The following NTM variants were observed in gnomAD, a reference collection of about 807,000 sequenced individuals.
The protein encoded by NTM is neurotrimin.
In NTM, 13 loss-of-function variants were observed where a neutral mutation model predicts 42.1. That is an observed-to-expected ratio of 0.31 (90% confidence interval 0.20 to 0.49). NTM has a LOEUF of 0.49. NTM is among the 20% of genes least tolerant of loss of function. NTM has a pLI of 0.99. For missense variants in NTM, 373 were observed against 452.8 expected, an observed-to-expected ratio of 0.82 and a Z score of 1.60; for synonymous variants, 187 against 179.2, an observed-to-expected ratio of 1.04 and a Z score of -0.35.
At chr11:131,628,118 G>T (rs1333513985) in intron 1 of NTM, among the ~76,000 whole-genome samples, 1 of 152,100 alleles carries the variant, frequency 6.6e-6, no homozygotes, top group Non-Finnish European at 1.5e-5. Context: ...TAGAAAGTTG[G>T]GAGGACCCAC....
In NTM at chr11:132,117,993, G is replaced by A. The variant is rs982403559; in HGVS notation, c.168-28289G>A. Reference sequence around the variant, plus strand: ...GCTGCCTTGGGACCAATGACTCCGCGCTAACTTGAATTAAATCAATCTTGT... The same window carrying A: ...GCTGCCTTGGGACCAATGACTCCGCACTAACTTGAATTAAATCAATCTTGT... On this transcript the variant is annotated intron_variant, in intron 2 of 8. Coordinates refer to ENST00000683400, the MANE Select transcript of NTM (RefSeq NM_001352005.2). Among the ~76,000 whole-genome samples the A allele has an allele frequency of 3.3e-5, 5 of 152,304 alleles. No homozygotes were observed. In the South Asian group the frequency reaches 6.2e-4, roughly 19 times the overall value.
At chr11:131,443,595 TC>T (rs1301392465) in intron 1 of NTM, among the ~76,000 whole-genome samples, 1 of 152,096 alleles carries the variant, frequency 6.6e-6, no homozygotes, top group African/African-American at 2.4e-5. Flanking sequence ...TCCCCAGTGG[TC>T]CCCATTGACT....
At chr11:131,409,193 G>A (rs112707477) in intron 1 of NTM, among the ~76,000 whole-genome samples, 6 of 152,210 alleles carry the variant, frequency 3.9e-5, no homozygotes, top group Non-Finnish European at 8.8e-5. Flanking sequence ...ACTGTGAAGC[G>A]AAATCTAGTT....
intron 2 of NTM, among the ~76,000 whole-genome samples, chr11:132,016,711 A>G (rs1479135544): frequency 6.6e-6 from 1 of 151,984 alleles, no homozygotes; most frequent in East Asian, 1.9e-4. Flanking sequence ...CTTTGATAGA[A>G]ACTGCCAACC....
At chr11:131,960,884 G>A (rs779261788) in intron 2 of NTM, among the ~76,000 whole-genome samples, 22 of 152,170 alleles carry the variant, frequency 1.4e-4, no homozygotes, top group Non-Finnish European at 2.8e-4. Context: ...AGATTCAGGT[G>A]CAGGAGGGTC....
chr11:131,374,106 A>G (rs1941617601), intron 1 of NTM, among the ~76,000 whole-genome samples: 1 of 152,128 alleles, frequency 6.6e-6, no homozygotes, highest in African/African-American at 2.4e-5. Flanking sequence ...GGATGATGGG[A>G]CCCTGGGCCT....
At chr11:132,075,962 T>C (rs1396940050) in intron 2 of NTM, among the ~76,000 whole-genome samples, 2 of 152,214 alleles carry the variant, frequency 1.3e-5, no homozygotes, top group Admixed American at 1.3e-4. Flanking sequence ...GTCGACAGCA[T>C]TGGTGGGTAT....
At chr11:132,244,501 C>T (rs991485268) in intron 4 of NTM, among the ~76,000 whole-genome samples, 4 of 152,186 alleles carry the variant, frequency 2.6e-5, no homozygotes, top group African/African-American at 7.2e-5. Context: ...CCAGGTGATT[C>T]TTGGGTGGTG....
At chr11:132,089,537 A>T (rs551088670) in intron 2 of NTM, among the ~76,000 whole-genome samples, 2 of 152,312 alleles carry the variant, frequency 1.3e-5, no homozygotes, top group South Asian at 4.1e-4. Context: ...TCTGCTGTTA[A>T]TCATCAGTCT....
intron 1 of NTM, among the ~76,000 whole-genome samples, chr11:131,625,972 G>T (rs142301941): frequency 2.8e-4 from 42 of 152,224 alleles, no homozygotes; most frequent in African/African-American, 9.4e-4. Flanking sequence ...ACTTTCGAAG[G>T]GCATCTGGGT....
At chr11:132,154,193 A>G (rs2072643978) in intron 3 of NTM, among the ~76,000 whole-genome samples, 1 of 152,104 alleles carries the variant, frequency 6.6e-6, no homozygotes, top group African/African-American at 2.4e-5. Context: ...CAATAGGCTT[A>G]TTTTTTTCTG....
chr11:132,234,465 CT>C (rs2088348034), intron 4 of NTM, among the ~76,000 whole-genome samples: 1 of 152,162 alleles, frequency 6.6e-6, no homozygotes, highest in Admixed American at 6.5e-5. Context: ...TGTTTTCTGT[CT>C]GGAATCTCTC....
At chr11:131,572,322 C>A (rs981117313) in intron 1 of NTM, among the ~76,000 whole-genome samples, 5 of 152,152 alleles carry the variant, frequency 3.3e-5, no homozygotes, top group Non-Finnish European at 7.3e-5. Flanking sequence ...AACCCAGGAT[C>A]CTTCTGATAC....
rs534217392 is a variant in NTM, at chr11:132,003,484, G to A, written c.167+91836G>A. Among the ~76,000 whole-genome samples the A allele has an allele frequency of 2.4e-4, 36 of 152,164 alleles. No homozygotes were observed. The highest frequency in any genetic ancestry group is 1.2e-3 in the East Asian group (6 of 5,158). On this transcript the variant is annotated intron_variant, in intron 2 of 8. Transcript: ENST00000683400. The surrounding 1 kb of genome is among the most constrained non-coding windows in gnomAD (Gnocchi z 6.0). The stretch of plus-strand genomic sequence containing the variant: ...TGCTCTTGAGTTCCTGGGCTCAAGC[G>A]ATCCTTCTGGCTCAGACCTCCAATG...
chr11:132,269,368 C>A (rs1314571428), intron 4 of NTM, among the ~76,000 whole-genome samples: 3 of 152,166 alleles, frequency 2.0e-5, no homozygotes, highest in Non-Finnish European at 4.4e-5. Context: ...AAGCTCCAAC[C>A]AGCAGGATGT....
intron 1 of NTM, among the ~76,000 whole-genome samples, chr11:131,597,059 T>C (rs760031697): frequency 2.6e-5 from 4 of 152,154 alleles, no homozygotes; most frequent in Non-Finnish European, 5.9e-5. Flanking sequence ...GATTAGATGG[T>C]GCCCATCCAG....
At chr11:132,054,750 T>C (rs1340242778) in intron 2 of NTM, among the ~76,000 whole-genome samples, 1 of 152,208 alleles carries the variant, frequency 6.6e-6, no homozygotes, top group Non-Finnish European at 1.5e-5. Context: ...TTATCAATCT[T>C]GAATTGAAAA....
chr11:132,073,284 C>T (rs2057940785), intron 2 of NTM, among the ~76,000 whole-genome samples: 1 of 152,182 alleles, frequency 6.6e-6, no homozygotes, highest in Non-Finnish European at 1.5e-5. Flanking sequence ...ATTGTCTTCT[C>T]TGGACCTCAG....
intron 1 of NTM, among the ~76,000 whole-genome samples, chr11:131,572,074 C>A (rs1350751768): frequency 1.3e-5 from 2 of 152,212 alleles, no homozygotes; most frequent in African/African-American, 2.4e-5. Context: ...TGCACAAAAA[C>A]ATGCACATCA....
Sources: allele counts gnomAD v4.1 joint callset (sites outside exome capture counted in the v4.1 genomes callset), GRCh38; gene constraint gnomAD v4.1.1; non-coding constraint Gnocchi (gnomAD v3.1); transcripts MANE v1.5; gene names NCBI Gene and HGNC (gene_info 2026-07-23, HGNC 2026-07-21).